The following TTC14 variants were observed in gnomAD, a reference collection of about 807,000 sequenced individuals.
TTC14 encodes tetratricopeptide repeat protein 14.
TTC14 carries 63 observed loss-of-function variants against 79.9 expected under a neutral mutation model. That is an observed-to-expected ratio of 0.79 (90% confidence interval 0.64 to 0.97). The LOEUF (loss-of-function observed/expected upper bound fraction) is 0.97. Ranked by LOEUF, TTC14 falls within the 50% of genes least tolerant of loss-of-function variation. TTC14 has a pLI of 0.00. For missense variants in TTC14, 895 were observed against 894.0 expected, an observed-to-expected ratio of 1.00 and a Z score of -0.01; for synonymous variants, 335 against 309.6, an observed-to-expected ratio of 1.08 and a Z score of -0.86.
At position 180,603,109 on chromosome 3, in the gene TTC14, A is replaced by ATT. The variant is rs557781816; in HGVS notation, c.287-4_287-3dup. On this transcript the variant is annotated splice_polypyrimidine_tract_variant and intron_variant, in intron 2 of 11. Transcript: ENST00000296015. Reference sequence around the variant, plus strand: ...AAAACTATCGTTAGTGATTTTGTTAATTTTTTTTTTTTAGATCATTATGCA... The same window carrying ATT: ...AAAACTATCGTTAGTGATTTTGTTAATTTTTTTTTTTTTTAGATCATTATGCA... The ATT allele has an allele frequency of 5.8e-6, 7 of 1,203,746 alleles. No individual in the cohort carries two copies. Among genetic ancestry groups the ATT allele is most frequent in the African/African-American group, 3.0e-5 (2 of 65,776 alleles). The allele number at this position is 1,203,746 out of a possible 1,614,324, so 74.6% of individuals were successfully genotyped here.
chr3:180,605,113 C>A, intron 6 of TTC14, 106 bp downstream of exon 6: 1 of 1,097,296 alleles, frequency 9.1e-7, no homozygotes, highest in Non-Finnish European at 1.3e-6. Context: ...CACCTAGTAG[C>A]AGGCATATGC....
rs756719513 is a variant in TTC14 at position 180,608,792 on chromosome 3, T to C, written c.1382T>C (p.Leu461Pro). 3 of 1,545,952 alleles carry C rather than the reference T, an allele frequency of 1.9e-6. No homozygotes were observed. The highest frequency in any genetic ancestry group is 2.3e-5 in the East Asian group (1 of 43,226). ...ACAAGTGCAGAAAAGTTGCGTAAGC[T>C]CTTAAAAGAAGAGAAGAGGTAAACT... ...IETSAEKLRK[L>P]LKEEKRLKKK... Residue 461 changes from leucine to proline, a missense_variant, in exon 11 of 12, where the codon CTC becomes CCC. Transcript: ENST00000296015.
In TTC14 at chr3:180,609,619, G is replaced by A; in HGVS notation, c.1401-11G>A. The A allele has an allele frequency of 6.5e-7, 1 of 1,530,930 alleles. No individual in the cohort carries two copies. Among genetic ancestry groups the A allele is most frequent in the Non-Finnish European group, 8.7e-7 (1 of 1,145,630 alleles). The allele number at this position is 1,530,930 out of a possible 1,614,324, so 94.8% of individuals were successfully genotyped here. ...TTTGTATATATATGACAAATGAACT[G>A]TTTTTTTTAGGCTAAAGAAGAAAAG... On this transcript the variant is annotated splice_polypyrimidine_tract_variant and intron_variant, in intron 11 of 11. Coordinates refer to ENST00000296015, the MANE Select transcript of TTC14 (RefSeq NM_133462.4).
chr3:180,608,156 T>C (rs1280027870), intron 10 of TTC14: 2 of 1,008,440 alleles, frequency 2.0e-6, no homozygotes, highest in Non-Finnish European at 2.4e-6. Flanking sequence ...TTCTTCTGAA[T>C]TGGACCATTG....
At chr3:180,608,243 C>A in intron 10 of TTC14, 1 of 988,914 alleles carries the variant, frequency 1.0e-6, no homozygotes, top group Non-Finnish European at 1.2e-6. Context: ...AATCATGCAT[C>A]CAACTGGGCT....
At chr3:180,613,816 T>C (rs1431241452), downstream of TTC14, 1 of 454,186 alleles carries the variant, frequency 2.2e-6, no homozygotes, top group East Asian at 7.0e-5. Context: ...TTACCTACCT[T>C]TTTTTTCGCC....
intron 1 of TTC14, 50 bp from the exon 2 acceptor site, chr3:180,602,841 A>AG (rs1173038803): frequency 1.3e-6 from 2 of 1,568,816 alleles, no homozygotes; most frequent in Non-Finnish European, 1.7e-6. Context: ...TTAGAAGTAA[A>AG]GAGGCTTTGC....
Position 180,604,857 on chromosome 3 carries a change from G to C in TTC14, c.707G>C (p.Ser236Thr). ...SEELPLYYRRSVELNSNSLES... is the reference protein window; with the variant it reads ...SEELPLYYRRTVELNSNSLES... ...TGTGTTTGTATTTTTTTAAGGAGAA[G>C]TGTTGAGCTAAATAGCAATTCTTTG... The change falls in exon 6 of 12, where the codon AGT becomes ACT. Residue 236 changes from serine (S) to threonine (T), a missense_variant. Ser to Thr is a moderately conservative substitution (Grantham distance 58). Transcript: ENST00000296015. 3.1e-6 allele frequency: 5 copies of C among 1,605,882 alleles called. No individual in the cohort carries two copies. Among genetic ancestry groups the C allele is most frequent in the Non-Finnish European group, 4.2e-6 (5 of 1,177,514 alleles).
At position 180,605,919 on chromosome 3, in the gene TTC14, A is replaced by G. The variant is rs1273035545; in HGVS notation, c.929+82A>G. 174 of 1,402,162 alleles carry G rather than the reference A, an allele frequency of 1.2e-4. 1 individual carries two copies. The South Asian group carries it at 1.7e-3, about 14-fold the overall frequency. The allele number at this position is 1,402,162 out of a possible 1,614,324, so 86.9% of individuals were successfully genotyped here. On this transcript the variant is annotated intron_variant, in intron 7 of 11. Transcript: ENST00000296015. The stretch of plus-strand genomic sequence containing the variant: ...GGCAAGCATGCTTATATCATCAATA[A>G]GACAAATTTGAGATGCATTAAAGTG...
rs1268902551 is a variant in TTC14 at position 180,610,813 on chromosome 3, G to A, written c.*271G>A. On this transcript the variant is annotated 3_prime_UTR_variant, in exon 12 of 12. Transcript: ENST00000296015. Reference sequence around the variant, plus strand: ...TTTCTTCACCTAAAGATAATTCTCTGAAAGTACTGTTTCTTCATTCTATTG... The same window carrying A: ...TTTCTTCACCTAAAGATAATTCTCTAAAAGTACTGTTTCTTCATTCTATTG... 2.0e-5 allele frequency: 21 copies of A among 1,026,748 alleles called. No individual in the cohort carries two copies. Among genetic ancestry groups the A allele is most frequent in the Non-Finnish European group, 2.5e-5 (21 of 856,522 alleles). 63.6% of individuals were successfully genotyped at this position (1,026,748 alleles called of 1,614,324 possible).
chr3:180,611,632 T>G (rs546220067), downstream of TTC14, among the ~76,000 whole-genome samples: 6 of 152,310 alleles, frequency 3.9e-5, no homozygotes, highest in Admixed American at 3.9e-4. Context: ...CCCAAATTGC[T>G]GAAAATAGTG....
chr3:180,615,005 G>C, downstream of TTC14: 1 of 1,561,718 alleles, frequency 6.4e-7, no homozygotes, highest in Non-Finnish European at 8.7e-7. Flanking sequence ...CTAGTGAAGA[G>C]GAGGCCGGGA....
At chr3:180,617,371 AT>A in intron 12 of TTC14, 1 of 577,600 alleles carries the variant, frequency 1.7e-6, no homozygotes, top group South Asian at 2.6e-5. Context: ...TACTTTTATT[AT>A]TTTACAGTGT....
At chr3:180,607,873 A>G in intron 10 of TTC14, 108 bp downstream of exon 10, 2 of 1,510,064 alleles carry the variant, frequency 1.3e-6, no homozygotes. Flanking sequence ...GGCATTATGA[A>G]AAGTTTCTTT....
At chr3:180,613,129 G>GTAAT (rs535200815), downstream of TTC14, among the ~76,000 whole-genome samples, 48 of 152,238 alleles carry the variant, frequency 3.2e-4, no homozygotes, top group Middle Eastern at 3.4e-3. Flanking sequence ...AGGCGCAAAA[G>GTAAT]TAATTGCAGT....
Position 180,609,704 on chromosome 3 carries a change from C to A in TTC14, c.1475C>A (p.Ser492Ter). 6.2e-7 allele frequency: 1 copy of A among 1,611,552 alleles called. No individual in the cohort carries two copies. Among genetic ancestry groups the A allele is most frequent in the Non-Finnish European group, 8.5e-7 (1 of 1,179,338 alleles). Residue 492 changes from serine to a stop codon, truncating the protein, a stop_gained, in exon 12 of 12, where the codon TCA becomes TAA. Transcript: ENST00000296015. LOFTEE classifies it high-confidence loss of function. The part of the protein sequence containing the change: ...SSADESVSSS[S>*]SSSSSGHKRH... ...GCTGATGAATCAGTGTCTTCATCAT[C>A]ATCCTCTTCCTCTTCTGGTCACAAA...
intron 1 of TTC14, 25 bp downstream of exon 1, chr3:180,602,447 G>A: frequency 6.3e-7 from 1 of 1,581,126 alleles, no homozygotes; most frequent in Non-Finnish European, 8.5e-7. Context: ...GTGCCACTGC[G>A]CCACGGAAGA....
chr3:180,605,743 T>A lies in TTC14; in HGVS notation c.858-23T>A, dbSNP rs368633845. The A allele has an allele frequency of 4.5e-6, 7 of 1,550,390 alleles. No individual in the cohort carries two copies. In the African/African-American group the frequency reaches 1.0e-4, roughly 22 times the overall value. ...TAAAAAATATTTGTGGTTTAACTTT[T>A]TAATTTTTATTTTCTTTAATAGCAA... On this transcript the variant is annotated intron_variant, in intron 6 of 11. Transcript: ENST00000296015.
Position 180,602,216 on chromosome 3 carries a change from AG to A in TTC14, c.-43del, listed in dbSNP as rs1560069232. The A allele has an allele frequency of 1.4e-5, 23 of 1,605,550 alleles. No homozygotes were observed. Among genetic ancestry groups the A allele is most frequent in the Non-Finnish European group, 1.8e-5 (21 of 1,175,992 alleles). ...CCGGCTCAAGTAGCGGACACGGAAC[AG>A]GGAACTATCAGCCCGTCGGCCTCCG... On this transcript the variant is annotated 5_prime_UTR_variant, in exon 1 of 12. Transcript: ENST00000296015.
Sources: allele counts gnomAD v4.1 joint callset (sites outside exome capture counted in the v4.1 genomes callset), GRCh38; gene constraint gnomAD v4.1.1; transcripts MANE v1.5; gene names NCBI Gene and HGNC (gene_info 2026-07-23, HGNC 2026-07-21).